Variants in CACNA1I observed in about 807,000 individuals in gnomAD.
CACNA1I encodes voltage-dependent T-type calcium channel subunit alpha-1I.
Under a neutral mutation model 201.6 loss-of-function variants are expected in CACNA1I, and 74 were observed. That is an observed-to-expected ratio of 0.37 (90% CI 0.30 to 0.45). The LOEUF is 0.45. Ranked by LOEUF, CACNA1I falls within the 20% of genes least tolerant of loss-of-function variation. The probability of loss-of-function intolerance (pLI) is 1.00; values close to 1 mark genes in which losing one functional copy is unlikely to be tolerated. For synonymous variants in CACNA1I, 1,431 were observed against 1,345.2 expected (o/e 1.06, Z -1.40); for missense variants, 2,346 against 3,138.1 (o/e 0.75, Z 6.03).
intron 1 of CACNA1I, among the ~76,000 whole-genome samples, chr22:39,574,294 C>T (rs1308985558): frequency 6.6e-6 from 1 of 152,192 alleles, no homozygotes; most frequent in African/African-American, 2.4e-5. Context: ...TTGGAGGATT[C>T]TGGACCCGGT....
intron 1 of CACNA1I, among the ~76,000 whole-genome samples, chr22:39,585,395 T>C (rs1486483691): frequency 7.1e-6 from 1 of 140,202 alleles, no homozygotes; most frequent in Non-Finnish European, 1.5e-5. Flanking sequence ...TCTTTTTTTT[T>C]TTTTTTTTTT....
At chr22:39,630,269 A>G (rs1021645217) in intron 4 of CACNA1I, among the ~76,000 whole-genome samples, 2 of 152,176 alleles carry the variant, frequency 1.3e-5, no homozygotes, top group African/African-American at 4.8e-5. Context: ...TTGTTTTCAT[A>G]GCACTTTTCA....
Position 39,649,448 on chromosome 22 carries a change from G to A in CACNA1I, c.1568-53G>A. On this transcript the variant is annotated intron_variant, in intron 9 of 36. Coordinates refer to ENST00000402142, the MANE Select transcript of CACNA1I (RefSeq NM_021096.4). This position sits in a 1 kb window ranked among gnomAD's most constrained non-coding sequence, Gnocchi z 7.3. ...CGCACTCAGGGATGTGTCCCAGGGT[G>A]GATTGGGCCTGGTGTGGGCAACGAC... 2 of 1,484,572 alleles carry A rather than the reference G, an allele frequency of 1.3e-6. No homozygotes were observed. The highest frequency in any genetic ancestry group is 1.8e-6 in the Non-Finnish European group (2 of 1,109,108). 92.0% of individuals were successfully genotyped at this position (1,484,572 alleles called of 1,614,324 possible).
At chr22:39,663,697 G>GCCCCCCCCCCC in intron 18 of CACNA1I, 21 bp from the exon 19 acceptor site, 3 of 1,592,568 alleles carry the variant, frequency 1.9e-6, no homozygotes, top group Non-Finnish European at 2.6e-6. Flanking sequence ...CGCTCAGGCA[G>GCCCCCCCCCCC]CCCCCGCCCA....
intron 35 of CACNA1I, among the ~76,000 whole-genome samples, chr22:39,683,110 G>A (rs1357798384): frequency 6.6e-6 from 1 of 152,194 alleles, no homozygotes; most frequent in African/African-American, 2.4e-5. Flanking sequence ...GCCGTTTTGT[G>A]AATTCCTGAT....
chr22:39,602,173 A>G lies in CACNA1I; in HGVS notation c.482+1520A>G, dbSNP rs946658171. On this transcript the variant is annotated intron_variant, in intron 3 of 36. Transcript: ENST00000402142. ...TGCAGCCTTGACTTCCTAGGCTCAAAGGATCCTCCCACCTCAGCCTCCTGA... is the reference window on the plus strand; with the variant it reads ...TGCAGCCTTGACTTCCTAGGCTCAAGGGATCCTCCCACCTCAGCCTCCTGA... Among the ~76,000 whole-genome samples, 8 of 146,414 alleles carry G rather than the reference A, an allele frequency of 5.5e-5. No individual in the cohort carries two copies. In the Admixed American group the frequency reaches 5.5e-4, roughly 10 times the overall value.
intron 10 of CACNA1I, among the ~76,000 whole-genome samples, chr22:39,651,980 T>C (rs1222274330): frequency 6.6e-6 from 1 of 150,880 alleles, no homozygotes; most frequent in African/African-American, 2.4e-5. Context: ...AGGATCTGCC[T>C]CTCCCTCCTT....
At chr22:39,606,400 C>G (rs768941416) in intron 3 of CACNA1I, among the ~76,000 whole-genome samples, 3 of 152,202 alleles carry the variant, frequency 2.0e-5, no homozygotes, top group Non-Finnish European at 4.4e-5. Flanking sequence ...CTGAGGCAGC[C>G]GCTCATTCCA....
chr22:39,571,969 G>T (rs971144979), intron 1 of CACNA1I, among the ~76,000 whole-genome samples: 26 of 151,980 alleles, frequency 1.7e-4, no homozygotes, highest in Non-Finnish European at 5.9e-5. Context: ...AGCGTTGGTT[G>T]GGTAGAGAGG....
chr22:39,686,591 T>C lies in CACNA1I; in HGVS notation c.*186T>C. The C allele has an allele frequency of 3.7e-6, 1 of 270,734 alleles. No individual in the cohort carries two copies. Among genetic ancestry groups the C allele is most frequent in the African/African-American group, 2.3e-5 (1 of 43,840 alleles). 16.8% of individuals were successfully genotyped at this position (270,734 alleles called of 1,614,324 possible). ...AGGCCTGCGTGGCCCATGGTGGCCC[T>C]TCCAGTGCATATACATACATATATA... On this transcript the variant is annotated 3_prime_UTR_variant, in exon 37 of 37. Transcript: ENST00000402142.
In CACNA1I at chr22:39,640,951, T is replaced by G; in HGVS notation, c.825T>G (p.Asn275Lys). Reference protein sequence around the residue: ...MPFICSLSGDNGIMGCHEIPP... With the variant: ...MPFICSLSGDKGIMGCHEIPP... Reference sequence around the variant, plus strand: ...TCATCTGCTCCCTGTCGGGCGACAATGGGATAATGGGCTGCCATGAGATCC... The same window carrying G: ...TCATCTGCTCCCTGTCGGGCGACAAGGGGATAATGGGCTGCCATGAGATCC... The change falls in exon 6 of 37, where the codon AAT (asparagine) becomes AAG (lysine). Residue 275 changes from asparagine to lysine, a missense_variant. Physicochemically the swap from Asn to Lys is moderately conservative, Grantham distance 94. Transcript: ENST00000402142. 1 of 1,613,908 alleles carries G rather than the reference T, an allele frequency of 6.2e-7. No individual in the cohort carries two copies. The highest frequency in any genetic ancestry group is 8.5e-7 in the Non-Finnish European group (1 of 1,179,848).
At chr22:39,589,276 G>A (rs369447218) in intron 1 of CACNA1I, among the ~76,000 whole-genome samples, 2 of 152,180 alleles carry the variant, frequency 1.3e-5, no homozygotes, top group East Asian at 1.9e-4. Context: ...GTTCTGGGAC[G>A]TGGCTTTTTG....
chr22:39,659,473 C>T lies in CACNA1I; in HGVS notation c.2371C>T (p.Arg791Cys), dbSNP rs1934929762. ...MHIFGCKFSL[R>C]TDTGDTVPDR... ...TATTTTTGGCTGCAAGTTCAGCCTC[C>T]GCACGGACACTGGAGACACGGTGCC... The change falls in exon 13 of 37, where the codon CGC becomes TGC. Residue 791 changes from arginine (R) to cysteine (C), a missense_variant. Around this residue, in one of 13 missense-constraint regions of CACNA1I, gnomAD observed 155 missense variants for 300.8 expected, o/e 0.52. Transcript: ENST00000402142. This position sits in a 1 kb window ranked among gnomAD's most constrained non-coding sequence, Gnocchi z 4.3. 5.7e-6 allele frequency: 9 copies of T among 1,575,750 alleles called. No individual in the cohort carries two copies. Among genetic ancestry groups the T allele is most frequent in the South Asian group, 3.5e-5 (3 of 86,930 alleles).
At chr22:39,585,378 CTTTCTTTCTT>C (rs1394733580) in intron 1 of CACNA1I, among the ~76,000 whole-genome samples, 1 of 96,288 alleles carries the variant, frequency 1.0e-5, no homozygotes, top group African/African-American at 3.7e-5. Flanking sequence ...TTCTTTCTTT[CTTTCTTTCTT>C]TTTTTTTTTT....
At chr22:39,574,795 T>C (rs1277023590) in intron 1 of CACNA1I, among the ~76,000 whole-genome samples, 1 of 152,054 alleles carries the variant, frequency 6.6e-6, no homozygotes, top group Admixed American at 6.5e-5. Context: ...AGAGTCAGGC[T>C]GGTGGGAGCT....
At chr22:39,616,764 CAAAAAAAAAA>C (rs66551782) in intron 3 of CACNA1I, among the ~76,000 whole-genome samples, 42 of 107,378 alleles carry the variant, frequency 3.9e-4, no homozygotes, top group African/African-American at 1.4e-3. Flanking sequence ...AACTCTGTCT[CAAAAAAAAAA>C]AAAAAAAAAA....
At chr22:39,655,243 G>C (rs565249352) in intron 10 of CACNA1I, among the ~76,000 whole-genome samples, 1 of 131,744 alleles carries the variant, frequency 7.6e-6, no homozygotes, top group East Asian at 2.9e-4. Flanking sequence ...GATGGGGATG[G>C]TGCTGGGCTG....
intron 23 of CACNA1I, among the ~76,000 whole-genome samples, chr22:39,667,790 C>T (rs1377320337): frequency 6.6e-6 from 1 of 152,088 alleles, no homozygotes; most frequent in Admixed American, 6.5e-5. Context: ...AATCACATAG[C>T]CAGTGAGTGG....
intron 7 of CACNA1I, 92 bp downstream of exon 7, chr22:39,642,981 G>A: frequency 1.3e-6 from 1 of 781,054 alleles, no homozygotes; most frequent in Non-Finnish European, 2.1e-6. Context: ...TCCCTAGGGA[G>A]CCCCTCAGAG....
Sources: gnomAD v4.1 joint callset for allele counts (sites outside exome capture counted in the v4.1 genomes callset) on GRCh38, gnomAD v4.1.1 for gene constraint, gnomAD v4.1.1 regional missense constraint, Gnocchi (gnomAD v3.1) non-coding constraint, MANE v1.5 for transcripts, NCBI Gene and HGNC (gene_info 2026-07-23, HGNC 2026-07-21) for gene names.